DLG2: variants seen among roughly 807,000 people sequenced by gnomAD.
DLG2 encodes the protein disks large homolog 2.
A neutral mutation model predicts 132.5 loss-of-function variants in DLG2; 45 were observed. The observed-to-expected ratio is 0.34, with a 90% CI of 0.27 to 0.44. The LOEUF (loss-of-function observed/expected upper bound fraction) is 0.44. Among genes scored for constraint, DLG2 ranks in the 20% least tolerant of loss-of-function variants. DLG2 has a pLI of 1.00. For missense variants in DLG2, 1,045 were observed against 1,196.9 expected, an observed-to-expected ratio of 0.87 and a Z score of 1.87; for synonymous variants, 424 against 419.6, an observed-to-expected ratio of 1.01 and a Z score of -0.13.
chr11:84,354,735 A>G (rs1043682255), intron 7 of DLG2, among the ~76,000 whole-genome samples: 30 of 152,118 alleles, frequency 2.0e-4, no homozygotes, highest in South Asian at 8.3e-4. Context: ...AGAGTTGTGA[A>G]GCTGGTTATT....
chr11:85,519,172 G>A (rs2094228788), intron 3 of DLG2, among the ~76,000 whole-genome samples: 1 of 152,192 alleles, frequency 6.6e-6, no homozygotes, highest in African/African-American at 2.4e-5. Context: ...GGAACTGTTA[G>A]AAGAGGACCA....
chr11:83,883,051 T>C (rs2066745838), intron 15 of DLG2, among the ~76,000 whole-genome samples: 1 of 152,196 alleles, frequency 6.6e-6, no homozygotes, highest in Admixed American at 6.5e-5. Flanking sequence ...ATCAAGCATG[T>C]TTGTCCCAGC....
chr11:84,177,975 A>G (rs2096015083), intron 8 of DLG2, among the ~76,000 whole-genome samples: 1 of 149,062 alleles, frequency 6.7e-6, no homozygotes, highest in Admixed American at 6.8e-5. Flanking sequence ...AACTGACTAA[A>G]GACATATAGC....
At chr11:85,195,508 T>C (rs1426493716) in intron 4 of DLG2, among the ~76,000 whole-genome samples, 1 of 150,864 alleles carries the variant, frequency 6.6e-6, no homozygotes, top group Non-Finnish European at 1.5e-5. Context: ...AATTATTTTC[T>C]CTGAAAGTGA....
chr11:84,975,620 T>G (rs2154116851), intron 6 of DLG2, among the ~76,000 whole-genome samples: 1 of 151,808 alleles, frequency 6.6e-6, no homozygotes, highest in African/African-American at 2.4e-5. Flanking sequence ...ATCAATTTAC[T>G]TAAGCCACTA....
At chr11:83,883,843 C>CA (rs1390352220) in intron 15 of DLG2, among the ~76,000 whole-genome samples, 1 of 149,518 alleles carries the variant, frequency 6.7e-6, no homozygotes, top group African/African-American at 2.4e-5. Flanking sequence ...CCATTCTTCA[C>CA]AAAGAAAATG....
chr11:84,611,058 C>CACACACAT (rs1171446772), intron 6 of DLG2, among the ~76,000 whole-genome samples: 2 of 151,528 alleles, frequency 1.3e-5, no homozygotes, highest in South Asian at 4.2e-4. Context: ...CACACACACA[C>CACACACAT]ACACACACTA....
intron 17 of DLG2, chr11:83,791,312 G>C: frequency 1.5e-6 from 1 of 673,510 alleles, no homozygotes; most frequent in Non-Finnish European, 2.6e-6. Flanking sequence ...TTGCCTTTTG[G>C]CTTCTGTTTG....
intron 4 of DLG2, among the ~76,000 whole-genome samples, chr11:85,218,963 A>C (rs1209264351): frequency 1.3e-5 from 2 of 152,158 alleles, no homozygotes; most frequent in African/African-American, 4.8e-5. Flanking sequence ...TTAACACAAC[A>C]AAACCAAATA....
At chr11:83,565,676 A>G (rs2096695347) in intron 19 of DLG2, among the ~76,000 whole-genome samples, 1 of 152,184 alleles carries the variant, frequency 6.6e-6, no homozygotes, top group African/African-American at 2.4e-5. Flanking sequence ...TGCACTGTCA[A>G]TCTACAAGAA....
chr11:84,532,351 A>G (rs1008402568), intron 7 of DLG2, among the ~76,000 whole-genome samples: 7 of 152,034 alleles, frequency 4.6e-5, no homozygotes. Flanking sequence ...TAATCACCAT[A>G]TTATCAATTC....
At chr11:83,914,731 G>C (rs1028195577) in intron 15 of DLG2, among the ~76,000 whole-genome samples, 73 of 152,238 alleles carry the variant, frequency 4.8e-4, no homozygotes, top group African/African-American at 1.7e-3. Flanking sequence ...CACTGTTGAT[G>C]GTCATTAGAC....
chr11:84,679,584 C>T (rs909323144), intron 6 of DLG2, among the ~76,000 whole-genome samples: 7 of 151,934 alleles, frequency 4.6e-5, no homozygotes, highest in Non-Finnish European at 1.0e-4. Context: ...ATCAGGGATA[C>T]AGGATTAGGA....
At chr11:84,273,306 GAAAAAAAAA>G in intron 7 of DLG2, 3 of 787,110 alleles carry the variant, frequency 3.8e-6, no homozygotes, top group South Asian at 5.1e-5. Flanking sequence ...AGTTGAAGAG[GAAAAAAAAA>G]AAAAAAAAAA....
intron 18 of DLG2, among the ~76,000 whole-genome samples, chr11:83,653,563 A>G (rs2153524073): frequency 6.6e-6 from 1 of 152,216 alleles, no homozygotes; most frequent in Non-Finnish European, 1.5e-5. Context: ...TGTCATATCC[A>G]TGCATAAAGT....
intron 19 of DLG2, among the ~76,000 whole-genome samples, chr11:83,564,041 C>T (rs1489186623): frequency 6.6e-6 from 1 of 150,470 alleles, no homozygotes; most frequent in Non-Finnish European, 1.5e-5. Flanking sequence ...TTCAATTGCT[C>T]ACCATGGGCC....
chr11:85,029,071 G>C (rs2060791294), intron 6 of DLG2, among the ~76,000 whole-genome samples: 1 of 152,146 alleles, frequency 6.6e-6, no homozygotes, highest in Middle Eastern at 3.2e-3. Context: ...AAAATTCTTG[G>C]GGTGGGGATG....
intron 9 of DLG2, among the ~76,000 whole-genome samples, chr11:84,124,928 G>A (rs545981582): frequency 1.9e-4 from 27 of 139,646 alleles, no homozygotes; most frequent in African/African-American, 5.3e-4. Flanking sequence ...TTGGCTTACC[G>A]CAACATTTGC....
chr11:84,911,827 G>T (rs1218845495), intron 6 of DLG2, among the ~76,000 whole-genome samples: 3 of 152,138 alleles, frequency 2.0e-5, no homozygotes, highest in East Asian at 3.9e-4. Flanking sequence ...TGCAAACTTT[G>T]TGATTGCTTT....
Sources: allele counts gnomAD v4.1 joint callset (sites outside exome capture counted in the v4.1 genomes callset), GRCh38; gene constraint gnomAD v4.1.1; transcripts MANE v1.5; gene names NCBI Gene and HGNC (gene_info 2026-07-23, HGNC 2026-07-21).